TRIP12: variants seen among roughly 807,000 people sequenced by gnomAD.
TRIP12 encodes the protein E3 ubiquitin-protein ligase TRIP12.
In TRIP12, 25 loss-of-function variants were observed where a neutral mutation model predicts 244.2. The observed-to-expected ratio is 0.10, with a 90% CI of 0.07 to 0.14. The LOEUF (loss-of-function observed/expected upper bound fraction) is 0.14, where lower values mean the gene tolerates loss of function less well. Among genes scored for constraint, TRIP12 ranks in the 10% least tolerant of loss-of-function variants. TRIP12 has a pLI of 1.00. For missense variants in TRIP12, 1,677 were observed against 2,486.4 expected, an observed-to-expected ratio of 0.67 and a Z score of 6.92; for synonymous variants, 905 against 873.1, an observed-to-expected ratio of 1.04 and a Z score of -0.64.
Position 229,767,665 on chromosome 2 carries a change from T to C in TRIP12, c.6093A>G (p.Val2031=), listed in dbSNP as rs1259036370. ...TENPDDFLPS[V]MTCVNYLKLP... ...ACTTAAGATAGTTCACACAAGTCAT[T>C]ACAGAGGGCAAGAAGTCATCTGGGT... Residue 2031 remains valine, a synonymous_variant, in exon 42 of 42, where the codon GTA becomes GTG. Coordinates refer to ENST00000675903, the MANE Select transcript of TRIP12 (RefSeq NM_001348323.3). The C allele has an allele frequency of 1.2e-6, 2 of 1,614,166 alleles. No homozygotes were observed. The highest frequency in any genetic ancestry group is 1.7e-6 in the Non-Finnish European group (2 of 1,180,014).
intron 22 of TRIP12, 58 bp from the exon 23 acceptor site, chr2:229,799,107 A>C: frequency 1.3e-6 from 2 of 1,591,178 alleles, no homozygotes; most frequent in Non-Finnish European, 1.7e-6. Flanking sequence ...ATGAAAAACA[A>C]CTGATTTTTA....
At chr2:229,922,398 A>G (rs1454297697), upstream of TRIP12, 20 of 984,950 alleles carry the variant, frequency 2.0e-5, no homozygotes, top group Non-Finnish European at 2.8e-5. Context: ...CCCAAGTTAG[A>G]AATCCTTCTG....
At chr2:229,884,763 T>C (rs192653345) in intron 1 of TRIP12, among the ~76,000 whole-genome samples, 5 of 152,142 alleles carry the variant, frequency 3.3e-5, no homozygotes, top group African/African-American at 7.2e-5. Flanking sequence ...TCCCAGAAGT[T>C]TGAGGCCAGC....
At chr2:229,842,162 G>A (rs2056575509) in intron 4 of TRIP12, among the ~76,000 whole-genome samples, 1 of 152,192 alleles carries the variant, frequency 6.6e-6, no homozygotes, top group South Asian at 2.1e-4. Context: ...CTAAACAGGT[G>A]AAGCTGACAT....
At chr2:229,834,127 T>C (rs1295943458) in intron 6 of TRIP12, among the ~76,000 whole-genome samples, 1 of 152,250 alleles carries the variant, frequency 6.6e-6, no homozygotes, top group Non-Finnish European at 1.5e-5. Context: ...AGTCTTAGCC[T>C]ATCTTCACAG....
At chr2:229,837,451 A>G (rs2055128971) in intron 5 of TRIP12, among the ~76,000 whole-genome samples, 1 of 152,138 alleles carries the variant, frequency 6.6e-6, no homozygotes, top group Admixed American at 6.5e-5. Context: ...CCTGACCAAC[A>G]TGATGAAACC....
intron 29 of TRIP12, 36 bp from the exon 30 acceptor site, chr2:229,791,287 A>AT (rs1210803389): frequency 6.2e-7 from 1 of 1,610,280 alleles, no homozygotes; most frequent in Non-Finnish European, 8.5e-7. Flanking sequence ...CCAAATGTAG[A>AT]TTTTGAAACT....
intron 15 of TRIP12, among the ~76,000 whole-genome samples, chr2:229,808,785 A>G (rs1483964892): frequency 6.6e-6 from 1 of 152,252 alleles, no homozygotes; most frequent in Non-Finnish European, 1.5e-5. Flanking sequence ...AACGTTAACA[A>G]TTAAATGTAA....
chr2:229,781,240 T>C (rs1343094463), intron 34 of TRIP12, among the ~76,000 whole-genome samples: 2 of 152,182 alleles, frequency 1.3e-5, no homozygotes, highest in Admixed American at 6.5e-5. Context: ...AAAGTGTAGG[T>C]ACTTGGTTGA....
At chr2:229,871,575 G>A (rs942846470) in intron 2 of TRIP12, among the ~76,000 whole-genome samples, 9 of 152,064 alleles carry the variant, frequency 5.9e-5, no homozygotes, top group Non-Finnish European at 1.3e-4. Flanking sequence ...GCTTTCTGCC[G>A]TGATTTTAAG....
At chr2:229,792,337 T>C (rs1306872764) in intron 27 of TRIP12, 111 bp from the exon 28 acceptor site, 1 of 1,030,714 alleles carries the variant, frequency 9.7e-7, no homozygotes, top group Admixed American at 2.3e-5. Context: ...ATAGGTTGAG[T>C]ATCCCTTATC....
At chr2:229,791,751 T>C (rs1450985528) in intron 29 of TRIP12, 115 bp downstream of exon 29, 2 of 1,084,066 alleles carry the variant, frequency 1.8e-6, no homozygotes, top group East Asian at 4.8e-5. Context: ...CTAAAATGTG[T>C]GATTTAGGGC....
At position 229,797,955 on chromosome 2, in the gene TRIP12, C is replaced by A. The variant is rs2043222440; in HGVS notation, c.3483-124G>T. ...GGTCTATGCTTACAGTTTAAAAACT[C>A]CAGATTCCATAACCAAATTAACTTT... On this transcript the variant is annotated intron_variant, in intron 23 of 41. Transcript: ENST00000675903. The A allele has an allele frequency of 7.2e-6, 7 of 977,360 alleles. No individual in the cohort carries two copies. The South Asian group carries it at 1.4e-4, about 19-fold the overall frequency. The allele number at this position is 977,360 out of a possible 1,614,324, so 60.5% of individuals were successfully genotyped here. A position where few individuals can be genotyped will look rare whatever the true frequency, so the allele number is the denominator to read the frequency against.
intron 1 of TRIP12, among the ~76,000 whole-genome samples, chr2:229,895,012 C>T (rs910429974): frequency 3.3e-5 from 5 of 152,120 alleles, no homozygotes; most frequent in African/African-American, 1.2e-4. Context: ...ACAGAATATA[C>T]ATAACACTCA....
In TRIP12 at chr2:229,778,237, T is replaced by TG. The variant is rs761181166; in HGVS notation, c.5364+195dup. ...GAGCTGACAGGAAAATTTAGAATCT[T>TG]GGACAGTAGGACAGTCTTACCCCTG... On this transcript the variant is annotated intron_variant, in intron 36 of 41. Transcript: ENST00000675903. The surrounding 1 kb of genome is among the most constrained non-coding windows in gnomAD (Gnocchi z 4.1). 3.3e-5 allele frequency among the ~76,000 whole-genome samples: 5 copies of TG among 152,150 alleles called. No homozygotes were observed. The highest frequency in any genetic ancestry group is 7.3e-5 in the Non-Finnish European group (5 of 68,028).
intron 2 of TRIP12, among the ~76,000 whole-genome samples, chr2:229,866,964 T>A (rs2061601544): frequency 6.6e-6 from 1 of 152,060 alleles, no homozygotes; most frequent in Admixed American, 6.5e-5. Context: ...GCCCTGAACA[T>A]GGAGATACAT....
chr2:229,847,311 C>T (rs559045493), intron 4 of TRIP12, among the ~76,000 whole-genome samples: 1 of 152,322 alleles, frequency 6.6e-6, no homozygotes, highest in South Asian at 2.1e-4. Flanking sequence ...ATTTAACGGA[C>T]ATCAAATGTC....
chr2:229,910,995 G>A (rs896728013), intron 1 of TRIP12, among the ~76,000 whole-genome samples: 3 of 152,162 alleles, frequency 2.0e-5, no homozygotes, highest in African/African-American at 7.2e-5. Context: ...GGGGTGGAAG[G>A]GTAGAGAGCA....
At chr2:229,908,298 G>A (rs2073402537) in intron 1 of TRIP12, among the ~76,000 whole-genome samples, 2 of 152,270 alleles carry the variant, frequency 1.3e-5, no homozygotes, top group African/African-American at 4.8e-5. Flanking sequence ...AGGGAACCAG[G>A]AATTTAAATC....
Sources: gnomAD v4.1 joint callset for allele counts (sites outside exome capture counted in the v4.1 genomes callset) on GRCh38, gnomAD v4.1.1 for gene constraint, Gnocchi (gnomAD v3.1) non-coding constraint, MANE v1.5 for transcripts, NCBI Gene and HGNC (gene_info 2026-07-23, HGNC 2026-07-21) for gene names.